The following KCNQ5 variants were observed in gnomAD, a reference collection of about 807,000 sequenced individuals.
The protein encoded by KCNQ5 is potassium voltage-gated channel subfamily KQT member 5.
In KCNQ5, 30 loss-of-function variants were observed where a neutral mutation model predicts 98.2. That is an observed-to-expected ratio of 0.31 (90% CI 0.23 to 0.41). The LOEUF (loss-of-function observed/expected upper bound fraction) is 0.41, where lower values mean the gene tolerates loss of function less well. Ranked by LOEUF, KCNQ5 falls within the 10% of genes least tolerant of loss-of-function variation. KCNQ5 has a pLI of 1.00. For synonymous variants in KCNQ5, 458 were observed against 449.4 expected, an observed-to-expected ratio of 1.02 and a Z score of -0.24; for missense variants, 835 against 1,182.5, an observed-to-expected ratio of 0.71 and a Z score of 4.31.
chr6:72,822,535 A>T (rs1334457004), intron 1 of KCNQ5, among the ~76,000 whole-genome samples: 1 of 152,188 alleles, frequency 6.6e-6, no homozygotes, highest in Non-Finnish European at 1.5e-5. Flanking sequence ...CATCCACAAG[A>T]TGCTTCCATA....
At chr6:72,957,664 A>C (rs1358784526) in intron 1 of KCNQ5, among the ~76,000 whole-genome samples, 2 of 152,072 alleles carry the variant, frequency 1.3e-5, no homozygotes, top group African/African-American at 4.8e-5. Flanking sequence ...GATTGTTTTC[A>C]TCGAAATGCT....
At chr6:72,880,346 C>A (rs549256766) in intron 1 of KCNQ5, among the ~76,000 whole-genome samples, 1 of 152,314 alleles carries the variant, frequency 6.6e-6, no homozygotes, top group South Asian at 2.1e-4. Context: ...TAGCTATGTC[C>A]TCACATGGTG....
intron 5 of KCNQ5, among the ~76,000 whole-genome samples, chr6:73,096,888 C>T (rs1562176425): frequency 6.6e-6 from 1 of 151,918 alleles, no homozygotes; most frequent in African/African-American, 2.4e-5. Context: ...ACTAGAAATA[C>T]AAAAATTAGC....
chr6:72,674,728 T>C (rs545593155), intron 1 of KCNQ5, among the ~76,000 whole-genome samples: 46 of 152,196 alleles, frequency 3.0e-4, no homozygotes, highest in Admixed American at 1.4e-3. Context: ...TGAGATCGCG[T>C]CACTGCATTC....
chr6:73,088,365 T>C (rs896664288), intron 5 of KCNQ5, among the ~76,000 whole-genome samples: 10 of 152,206 alleles, frequency 6.6e-5, no homozygotes, highest in African/African-American at 2.4e-4. Flanking sequence ...AGAGATTACC[T>C]GGTCTTTGTG....
intron 1 of KCNQ5, among the ~76,000 whole-genome samples, chr6:72,671,976 C>T (rs1204971662): frequency 6.6e-6 from 1 of 151,946 alleles, no homozygotes; most frequent in Admixed American, 6.6e-5. Context: ...GCCACCACGC[C>T]TGGCTAATTT....
intron 1 of KCNQ5, among the ~76,000 whole-genome samples, chr6:72,738,950 C>T (rs969097250): frequency 6.6e-6 from 1 of 152,132 alleles, no homozygotes; most frequent in Non-Finnish European, 1.5e-5. Flanking sequence ...AATGAAACTA[C>T]TCCATGTGAT....
intron 1 of KCNQ5, among the ~76,000 whole-genome samples, chr6:72,741,054 A>G (rs1771106413): frequency 6.6e-6 from 1 of 152,208 alleles, no homozygotes; most frequent in Non-Finnish European, 1.5e-5. Flanking sequence ...TAAATTAGGG[A>G]AGAGAGTGCA....
intron 9 of KCNQ5, among the ~76,000 whole-genome samples, chr6:73,128,473 ATT>A (rs2150449990): frequency 6.6e-6 from 1 of 152,370 alleles, no homozygotes; most frequent in Admixed American, 6.5e-5. Flanking sequence ...ATAAGCCAAT[ATT>A]CTCACCTTGA....
intron 1 of KCNQ5, among the ~76,000 whole-genome samples, chr6:72,645,243 G>C (rs1304625787): frequency 6.7e-6 from 1 of 149,818 alleles, no homozygotes; most frequent in Non-Finnish European, 1.5e-5. Context: ...CATAGTAGCT[G>C]CGTATGGTGG....
chr6:72,852,691 T>C, intron 1 of KCNQ5, among the ~76,000 whole-genome samples: 1 of 94,790 alleles, frequency 1.1e-5, no homozygotes, highest in African/African-American at 4.5e-5. Flanking sequence ...GATGTTAAAT[T>C]TTATATGTAT....
At chr6:72,802,887 G>A (rs1288637845) in intron 1 of KCNQ5, among the ~76,000 whole-genome samples, 1 of 152,078 alleles carries the variant, frequency 6.6e-6, no homozygotes, top group Non-Finnish European at 1.5e-5. Context: ...ATATAAACAT[G>A]CACCTCTGCA....
intron 1 of KCNQ5, among the ~76,000 whole-genome samples, chr6:72,837,081 T>C (rs1459942938): frequency 2.0e-5 from 3 of 152,240 alleles, no homozygotes; most frequent in Non-Finnish European, 4.4e-5. Context: ...ACCTTTTATA[T>C]AAACCTTCAA....
At chr6:72,735,797 C>G (rs1182702463) in intron 1 of KCNQ5, among the ~76,000 whole-genome samples, 16 of 151,712 alleles carry the variant, frequency 1.1e-4, no homozygotes, top group Admixed American at 8.5e-4. Context: ...AATGAAGAAG[C>G]TTTCATCTCT....
chr6:72,893,057 G>T (rs1779117008), intron 1 of KCNQ5, among the ~76,000 whole-genome samples: 1 of 152,110 alleles, frequency 6.6e-6, no homozygotes, highest in Non-Finnish European at 1.5e-5. Context: ...ATTTTTCCAT[G>T]CATGTGCATC....
chr6:73,090,814 A>G (rs1774214878), intron 5 of KCNQ5, among the ~76,000 whole-genome samples: 1 of 152,206 alleles, frequency 6.6e-6, no homozygotes, highest in South Asian at 2.1e-4. Flanking sequence ...TTAAAGAGTC[A>G]GGAAACAACA....
chr6:73,038,608 C>T (rs1021588087), intron 2 of KCNQ5, among the ~76,000 whole-genome samples: 13 of 151,578 alleles, frequency 8.6e-5, no homozygotes, highest in South Asian at 2.1e-4. Flanking sequence ...AATGCTATTT[C>T]TTCATCAATT....
chr6:73,026,140 C>G (rs1448798875), intron 2 of KCNQ5, among the ~76,000 whole-genome samples: 1 of 152,160 alleles, frequency 6.6e-6, no homozygotes, highest in Non-Finnish European at 1.5e-5. Flanking sequence ...TCTACCAAAA[C>G]CTGGTGAGGG....
intron 10 of KCNQ5, among the ~76,000 whole-genome samples, chr6:73,166,512 T>TAAAA (rs5877357): frequency 2.2e-4 from 31 of 143,594 alleles, no homozygotes; most frequent in African/African-American, 4.7e-4. Flanking sequence ...TAGATTTCTC[T>TAAAA]AAAAAAAAAA....
Sources: allele counts gnomAD v4.1 joint callset (sites outside exome capture counted in the v4.1 genomes callset), GRCh38; gene constraint gnomAD v4.1.1; transcripts MANE v1.5; gene names NCBI Gene and HGNC (gene_info 2026-07-23, HGNC 2026-07-21).